Variants in ATP8A2 observed in about 807,000 individuals in gnomAD.
ATP8A2 encodes the protein phospholipid-transporting ATPase IB.
In ATP8A2, 100 loss-of-function variants were observed where a neutral mutation model predicts 165.6. The ratio of observed to expected loss-of-function variants is 0.60; its 90% confidence interval spans 0.51 to 0.71. ATP8A2 has a LOEUF of 0.71. Among genes scored for constraint, ATP8A2 ranks in the 30% least tolerant of loss-of-function variants. ATP8A2 has a pLI of 0.00. For synonymous variants in ATP8A2, 543 were observed against 548.8 expected (o/e 0.99, Z 0.15); for missense variants, 1,227 against 1,479.5 (o/e 0.83, Z 2.80).
At chr13:25,584,748 A>T (rs773425956) in intron 23 of ATP8A2, among the ~76,000 whole-genome samples, 18 of 152,174 alleles carry the variant, frequency 1.2e-4, no homozygotes, top group Admixed American at 1.1e-3. Context: ...TGCTTTCTGA[A>T]ATTTGATTTA....
intron 35 of ATP8A2, among the ~76,000 whole-genome samples, chr13:25,977,223 G>A (rs557500147): frequency 1.3e-4 from 20 of 152,210 alleles, no homozygotes; most frequent in Non-Finnish European, 2.6e-4. Context: ...AATTGAATGC[G>A]TTTAATCTTG....
At chr13:25,412,838 G>A (rs1299301720) in intron 1 of ATP8A2, among the ~76,000 whole-genome samples, 2 of 152,092 alleles carry the variant, frequency 1.3e-5, no homozygotes, top group African/African-American at 4.8e-5. Flanking sequence ...TTTTTTGGGG[G>A]GGGATGGAGT....
At position 26,025,713 on chromosome 13, in the gene ATP8A2, G is replaced by A. The variant is rs1957156336; in HGVS notation, c.*5728G>A. 1.3e-5 allele frequency: 2 copies of A among 152,190 alleles called. No individual in the cohort carries two copies. Among genetic ancestry groups the A allele is most frequent in the South Asian group, 4.1e-4 (2 of 4,824 alleles). The allele number at this position is 152,190 out of a possible 1,614,324, so 9.4% of individuals were successfully genotyped here. On this transcript the variant is annotated 3_prime_UTR_variant, in exon 37 of 37. Transcript: ENST00000381655. ...ATTACAGTGCACTGGGTTCCCTCCT[G>A]GAGTGAATACAAACGGAGGGCATCT...
At chr13:25,429,800 A>T (rs1420238506) in intron 1 of ATP8A2, among the ~76,000 whole-genome samples, 1 of 152,122 alleles carries the variant, frequency 6.6e-6, no homozygotes, top group East Asian at 1.9e-4. Flanking sequence ...AGGCCACAGC[A>T]TTGGGCAGGG....
chr13:25,510,972 C>T (rs2137765094), intron 2 of ATP8A2, among the ~76,000 whole-genome samples: 1 of 152,330 alleles, frequency 6.6e-6, no homozygotes. Flanking sequence ...CATCCCAGTC[C>T]TGTTCCACCA....
At chr13:25,529,759 G>C (rs1433283434) in intron 2 of ATP8A2, among the ~76,000 whole-genome samples, 1 of 152,178 alleles carries the variant, frequency 6.6e-6, no homozygotes. Flanking sequence ...GAAAATTAAA[G>C]AAGCACATGT....
intron 24 of ATP8A2, among the ~76,000 whole-genome samples, chr13:25,609,058 C>T (rs763358122): frequency 2.0e-5 from 3 of 151,800 alleles, no homozygotes; most frequent in Middle Eastern, 3.4e-3. Flanking sequence ...GTAGCCTTAC[C>T]GATTAGATTA....
At chr13:25,456,276 C>T (rs768191563) in intron 1 of ATP8A2, among the ~76,000 whole-genome samples, 4 of 152,238 alleles carry the variant, frequency 2.6e-5, no homozygotes, top group Admixed American at 6.5e-5. Flanking sequence ...ATAGCTCTCA[C>T]TGTCTCCGCT....
rs1459163336 is a variant in ATP8A2, at chr13:25,953,263, C to A, written c.3184-8312C>A. Among the ~76,000 whole-genome samples, 2 of 152,002 alleles carry A rather than the reference C, an allele frequency of 1.3e-5. No homozygotes were observed. Among genetic ancestry groups the A allele is most frequent in the Non-Finnish European group, 2.9e-5 (2 of 68,020 alleles). ...CTGGTGTTGCTGGGCCAACCAGCAT[C>A]TTGAGGACTCAACTCTCTGGCTGCA... is the stretch of plus-strand genomic sequence containing the variant. On this transcript the variant is annotated intron_variant, in intron 33 of 36. Transcript: ENST00000381655. This position sits in a 1 kb window ranked among gnomAD's most constrained non-coding sequence, Gnocchi z 6.7.
intron 30 of ATP8A2, among the ~76,000 whole-genome samples, chr13:25,846,480 G>T (rs1297295523): frequency 6.6e-6 from 1 of 152,142 alleles, no homozygotes; most frequent in Non-Finnish European, 1.5e-5. Context: ...GTTTCAGGTT[G>T]CAGGAATAGA....
At chr13:25,655,567 A>G (rs1312821865) in intron 24 of ATP8A2, among the ~76,000 whole-genome samples, 3 of 152,120 alleles carry the variant, frequency 2.0e-5, no homozygotes, top group Non-Finnish European at 2.9e-5. Context: ...TGCTCCCTCA[A>G]CTGTGCTGTT....
At chr13:25,729,788 A>G (rs1454726918) in intron 25 of ATP8A2, among the ~76,000 whole-genome samples, 2 of 152,210 alleles carry the variant, frequency 1.3e-5, no homozygotes, top group East Asian at 1.9e-4. Flanking sequence ...TCACTCTAGC[A>G]CTTCCTAAAC....
intron 24 of ATP8A2, among the ~76,000 whole-genome samples, chr13:25,646,654 C>CAAAAA (rs71186893): frequency 4.1e-3 from 33 of 7,990 alleles, no homozygotes; most frequent in African/African-American, 8.8e-3. Context: ...GACTCCATCT[C>CAAAAA]AAAAAAAAAA....
At chr13:25,839,476 T>G in intron 29 of ATP8A2, 70 bp from the exon 30 acceptor site, 3 of 1,058,626 alleles carry the variant, frequency 2.8e-6, no homozygotes, top group Non-Finnish European at 4.4e-6. Context: ...CAATGTGGCG[T>G]TTGTTGAGAG....
At chr13:25,640,916 G>T (rs2041502916) in intron 24 of ATP8A2, among the ~76,000 whole-genome samples, 1 of 152,138 alleles carries the variant, frequency 6.6e-6, no homozygotes, top group Non-Finnish European at 1.5e-5. Context: ...ATGATCAAGT[G>T]GGCTTCATCC....
chr13:25,818,906 G>A (rs142956364), intron 27 of ATP8A2, among the ~76,000 whole-genome samples: 91 of 152,300 alleles, frequency 6.0e-4, no homozygotes, highest in Admixed American at 1.2e-3. Flanking sequence ...TGGCAAGCTC[G>A]AAGAGAAAAA....
At chr13:25,759,602 A>G (rs1366886596) in intron 25 of ATP8A2, among the ~76,000 whole-genome samples, 1 of 152,208 alleles carries the variant, frequency 6.6e-6, no homozygotes, top group Admixed American at 6.5e-5. Flanking sequence ...GAAGCAGAGT[A>G]TCAAATTAAT....
chr13:25,436,870 A>G (rs1168590486), intron 1 of ATP8A2, among the ~76,000 whole-genome samples: 1 of 151,294 alleles, frequency 6.6e-6, no homozygotes, highest in Admixed American at 6.6e-5. Context: ...TCGGCCTCTC[A>G]GGGTTAGGTG....
At chr13:25,806,650 G>T (rs535411183) in intron 27 of ATP8A2, among the ~76,000 whole-genome samples, 1 of 152,188 alleles carries the variant, frequency 6.6e-6, no homozygotes, top group Non-Finnish European at 1.5e-5. Context: ...TCTGTATACA[G>T]GTTTTTTGTA....
Sources: allele counts gnomAD v4.1 joint callset (sites outside exome capture counted in the v4.1 genomes callset), GRCh38; gene constraint gnomAD v4.1.1; non-coding constraint Gnocchi (gnomAD v3.1); transcripts MANE v1.5; gene names NCBI Gene and HGNC (gene_info 2026-07-23, HGNC 2026-07-21).